Variants in TLN1 observed in about 807,000 individuals in gnomAD.
TLN1 encodes the protein talin-1.
A neutral mutation model predicts 292.3 loss-of-function variants in TLN1; 56 were observed. The observed-to-expected ratio is 0.19, with a 90% CI of 0.15 to 0.24. TLN1 has a LOEUF of 0.24. TLN1 is among the 10% of genes least tolerant of loss of function. The pLI, the probability that TLN1 is intolerant of heterozygous loss-of-function variation, is 1.00. For missense variants in TLN1, 2,433 were observed against 3,248.2 expected (o/e 0.75, Z 6.10); for synonymous variants, 1,119 against 1,253.7 (o/e 0.89, Z 2.27).
In TLN1 at chr9:35,706,904, C is replaced by A; in HGVS notation, c.4956-4G>T. On this transcript the variant is annotated splice_polypyrimidine_tract_variant and splice_region_variant and intron_variant, in intron 37 of 56. Transcript: ENST00000314888. The surrounding 1 kb of genome is among the most constrained non-coding windows in gnomAD (Gnocchi z 4.2). Reference sequence around the variant, plus strand: ...CAGCTGCCCTGGAGCCTTGTCCCTGCAGACACATCATGGGCTCCAACACCA... The same window carrying A: ...CAGCTGCCCTGGAGCCTTGTCCCTGAAGACACATCATGGGCTCCAACACCA... 1 of 1,613,682 alleles carries A rather than the reference C, an allele frequency of 6.2e-7. No homozygotes were observed. The highest frequency in any genetic ancestry group is 8.5e-7 in the Non-Finnish European group (1 of 1,179,898).
At chr9:35,702,761 G>T (rs1285637962) in intron 48 of TLN1, among the ~76,000 whole-genome samples, 1 of 151,968 alleles carries the variant, frequency 6.6e-6, no homozygotes, top group Admixed American at 6.6e-5. Flanking sequence ...AAAGTGCTGG[G>T]ATTACACCCG....
rs1342582049 is a variant in TLN1 at position 35,713,225 on chromosome 9, T to C, written c.3323A>G (p.Glu1108Gly). The C allele has an allele frequency of 1.9e-6, 3 of 1,596,726 alleles. 1 individual carries two copies. The highest frequency in any genetic ancestry group is 3.3e-5 in the Admixed American group (2 of 59,762). ...VSSAIAQLLG[E>G]VAQGNENYAG... ...ATAATTCTCATTGCCCTGGGCAACC[T>C]CTCCCAGTAGCTGGGCGATGGCTGA... is the stretch of plus-strand genomic sequence containing the variant. Residue 1108 changes from glutamate to glycine, a missense_variant, in exon 26 of 57, where the codon GAG becomes GGG. Glu to Gly is a moderately conservative substitution (Grantham distance 98). Around this residue, in one of 7 missense-constraint regions of TLN1, gnomAD observed 1,384 missense variants for 1,699.6 expected, o/e 0.81. Transcript: ENST00000314888.
At chr9:35,701,981 TAGAA>T in intron 48 of TLN1, among the ~76,000 whole-genome samples, 1 of 152,092 alleles carries the variant, frequency 6.6e-6, no homozygotes, top group African/African-American at 2.4e-5. Flanking sequence ...ATTTAGAAAT[TAGAA>T]AGATGAGTAG....
chr9:35,706,478 C>A lies in TLN1; in HGVS notation c.5162G>T (p.Arg1721Leu). Residue 1721 changes from arginine (R) to leucine (L), a missense_variant, in exon 39 of 57, where the codon CGG (arginine) becomes CTG (leucine). Transcript: ENST00000314888. The surrounding 1 kb of genome is among the most constrained non-coding windows in gnomAD (Gnocchi z 4.2). ...HLIEPLANAA[R>L]AEASQLGHKV... ...GTGTCCCAGCTGGGAGGCTTCAGCC[C>A]GGGCAGCATTGGCCAGCGGCTCAAT... 1 of 1,614,092 alleles carries A rather than the reference C, an allele frequency of 6.2e-7. No homozygotes were observed. The highest frequency in any genetic ancestry group is 8.5e-7 in the Non-Finnish European group (1 of 1,180,010).
chr9:35,721,298 A>G (rs1056464996), intron 10 of TLN1, among the ~76,000 whole-genome samples: 3 of 152,176 alleles, frequency 2.0e-5, no homozygotes, highest in East Asian at 1.9e-4. Context: ...TATCAAGTTG[A>G]TATCAGTTTT....
At chr9:35,716,681 T>C in intron 19 of TLN1, 125 bp from the exon 20 acceptor site, 1 of 1,007,200 alleles carries the variant, frequency 9.9e-7, no homozygotes, top group Non-Finnish European at 1.4e-6. Flanking sequence ...AAAAAGAGAC[T>C]GGCAAAAGCT....
At chr9:35,721,557 T>C in intron 10 of TLN1, 91 bp downstream of exon 10, 1 of 1,429,044 alleles carries the variant, frequency 7.0e-7, no homozygotes, top group Non-Finnish European at 9.5e-7. Flanking sequence ...TAATACTCAG[T>C]ATACTTACCC....
intron 56 of TLN1, 57 bp from the exon 57 acceptor site, chr9:35,697,973 T>C (rs1825395698): frequency 1.2e-6 from 2 of 1,613,568 alleles, no homozygotes; most frequent in African/African-American, 2.7e-5. Flanking sequence ...GGGCATAGGG[T>C]AGTTGGGACC....
chr9:35,717,329 C>T lies in TLN1; in HGVS notation c.2275G>A (p.Glu759Lys). 1 of 1,614,186 alleles carries T rather than the reference C, an allele frequency of 6.2e-7. No homozygotes were observed. ...GCVSASQAAT[E>K]DGQLLRGVGA... ...ACCCCTCGCAACAGTTGCCCATCCT[C>T]TGTAGCTGCCTGGGAGGCAGACACA... Residue 759 changes from glutamate (E) to lysine (K), a missense_variant, in exon 19 of 57, where the codon GAG (glutamate) becomes AAG (lysine). Physicochemically the swap from Glu to Lys is moderately conservative, Grantham distance 56. This residue lies in a region of TLN1 where 617 missense variants were observed against 770.6 expected (regional missense o/e 0.80). Transcript: ENST00000314888. The surrounding 1 kb of genome is among the most constrained non-coding windows in gnomAD (Gnocchi z 4.7).
chr9:35,718,981 C>T (rs967276274), intron 16 of TLN1, 71 bp from the exon 17 acceptor site: 118 of 1,595,602 alleles, frequency 7.4e-5, no homozygotes, highest in Middle Eastern at 1.9e-4. Flanking sequence ...CACAGGCCCA[C>T]GGGACCCAGG....
In TLN1 at chr9:35,699,566, C is replaced by A; in HGVS notation, c.6769-105G>T. The A allele has an allele frequency of 6.9e-7, 1 of 1,456,758 alleles. No homozygotes were observed. Among genetic ancestry groups the A allele is most frequent in the Non-Finnish European group, 9.1e-7 (1 of 1,103,266 alleles). 90.2% of individuals were successfully genotyped at this position (1,456,758 alleles called of 1,614,324 possible). ...CCCCCTCACCCCTATCCCTAGAGCA[C>A]TCCACACCATAGCCCTCAAACTCCA... On this transcript the variant is annotated intron_variant, in intron 50 of 56. Coordinates refer to ENST00000314888, the MANE Select transcript of TLN1 (RefSeq NM_006289.4). The surrounding 1 kb of genome is among the most constrained non-coding windows in gnomAD (Gnocchi z 4.0).
intron 1 of TLN1, among the ~76,000 whole-genome samples, chr9:35,727,098 C>T (rs145814461): frequency 6.6e-5 from 10 of 152,310 alleles, no homozygotes; most frequent in South Asian, 2.1e-4. Context: ...CAGCAGGTGG[C>T]GCACAGGCTG....
chr9:35,703,656 T>C lies in TLN1; in HGVS notation c.6378A>G (p.Thr2126=). 1 of 1,614,228 alleles carries C rather than the reference T, an allele frequency of 6.2e-7. No individual in the cohort carries two copies. The highest frequency in any genetic ancestry group is 8.5e-7 in the Non-Finnish European group (1 of 1,180,048). The change falls in exon 48 of 57, where the codon ACA becomes ACG. Residue 2126 remains threonine (T), a synonymous_variant. Coordinates refer to ENST00000314888, the MANE Select transcript of TLN1 (RefSeq NM_006289.4). ...NSAKVMVTNV[T]SLLKTVKAVE... ...CGGCTTTTACTGTCTTAAGCAATGA[T>C]GTCACATTGGTCACCATCACCTGGA...
In TLN1 at chr9:35,717,999, C is replaced by T. The variant is rs1825815450; in HGVS notation, c.1996-213G>A. On this transcript the variant is annotated intron_variant, in intron 17 of 56. Coordinates refer to ENST00000314888, the MANE Select transcript of TLN1 (RefSeq NM_006289.4). This position sits in a 1 kb window ranked among gnomAD's most constrained non-coding sequence, Gnocchi z 4.7. ...AACCCACACCAAGAGAAAATACAGC[C>T]TACACCAAATGGAGACACACATGAG... is the stretch of plus-strand genomic sequence containing the variant. 1.3e-5 allele frequency among the ~76,000 whole-genome samples: 2 copies of T among 152,132 alleles called. No individual in the cohort carries two copies. Among genetic ancestry groups the T allele is most frequent in the Non-Finnish European group, 2.9e-5 (2 of 68,026 alleles).
At chr9:35,708,930 T>C (rs2131889171) in intron 33 of TLN1, among the ~76,000 whole-genome samples, 1 of 152,364 alleles carries the variant, frequency 6.6e-6, no homozygotes. Context: ...AATTCACATT[T>C]ATAGCACCTC....
Position 35,699,430 on chromosome 9 carries a change from T to C in TLN1, c.6800A>G (p.Gln2267Arg). ...TLQKPSPELK[Q>R]QLTGHSKRVA... The stretch of plus-strand genomic sequence containing the variant: ...ACGCTTTGAATGTCCTGTCAACTGC[T>C]GCTTCAGTTCTGGGCTTGGCTTCTG... The change falls in exon 51 of 57, where the codon CAG (glutamine) becomes CGG (arginine). Residue 2267 changes from glutamine (Q) to arginine (R), a missense_variant. Physicochemically the swap from Gln to Arg is conservative, Grantham distance 43 (BLOSUM62 1). Coordinates refer to ENST00000314888, the MANE Select transcript of TLN1 (RefSeq NM_006289.4). This position sits in a 1 kb window ranked among gnomAD's most constrained non-coding sequence, Gnocchi z 4.0. The C allele has an allele frequency of 6.2e-7, 1 of 1,613,952 alleles. No homozygotes were observed. The highest frequency in any genetic ancestry group is 2.2e-5 in the East Asian group (1 of 44,888).
intron 10 of TLN1, 71 bp downstream of exon 10, chr9:35,721,577 G>C (rs959937686): frequency 1.3e-6 from 2 of 1,539,644 alleles, no homozygotes; most frequent in African/African-American, 2.7e-5. Context: ...CCAAGAGAGG[G>C]AAGAGACCTC....
At chr9:35,716,859 T>C (rs1014697821) in intron 19 of TLN1, among the ~76,000 whole-genome samples, 2 of 152,142 alleles carry the variant, frequency 1.3e-5, no homozygotes, top group African/African-American at 2.4e-5. Flanking sequence ...AGGGGTATAG[T>C]AGGGAAGGCT....
rs781186118 is a variant in TLN1, at chr9:35,706,028, G to A, written c.5445C>T (p.Asn1815=). The A allele has an allele frequency of 4.4e-5, 71 of 1,614,114 alleles. No individual in the cohort carries two copies. Among genetic ancestry groups the A allele is most frequent in the Admixed American group, 3.5e-4 (21 of 60,008 alleles). Residue 1815 remains asparagine (N), a synonymous_variant, in exon 41 of 57, where the codon AAC becomes AAT. Transcript: ENST00000314888. This position sits in a 1 kb window ranked among gnomAD's most constrained non-coding sequence, Gnocchi z 4.2. ...CGACCCCAGCAGCACTGGCTGCCTC[G>A]TTGAGGGTTGTTGTCAGGTCCTCTA... The part of the protein sequence containing the change: ...EAVEDLTTTL[N]EAASAAGVVG...
Sources: allele counts gnomAD v4.1 joint callset (sites outside exome capture counted in the v4.1 genomes callset), GRCh38; gene constraint gnomAD v4.1.1; regional missense constraint gnomAD v4.1.1; non-coding constraint Gnocchi (gnomAD v3.1); transcripts MANE v1.5; gene names NCBI Gene and HGNC (gene_info 2026-07-23, HGNC 2026-07-21).